Variants in UBR3 observed in about 807,000 individuals in gnomAD.
UBR3 encodes the protein E3 ubiquitin-protein ligase UBR3.
In UBR3, 85 loss-of-function variants were observed where a neutral mutation model predicts 243.2. The ratio of observed to expected loss-of-function variants is 0.35; its 90% confidence interval spans 0.29 to 0.42. The LOEUF is 0.42. Among genes scored for constraint, UBR3 ranks in the 10% least tolerant of loss-of-function variants. UBR3 has a pLI of 1.00. For missense variants in UBR3, 1,686 were observed against 2,300.8 expected (o/e 0.73, Z 5.47); for synonymous variants, 748 against 799.8 (o/e 0.94, Z 1.09).
chr2:169,973,251 C>T (rs999166677), intron 24 of UBR3, among the ~76,000 whole-genome samples: 4 of 131,790 alleles, frequency 3.0e-5, no homozygotes, highest in Non-Finnish European at 6.4e-5. Context: ...AACCACTGCT[C>T]AAGGAAATAA....
At chr2:169,893,427 C>T (rs1416549725) in intron 6 of UBR3, among the ~76,000 whole-genome samples, 1 of 152,166 alleles carries the variant, frequency 6.6e-6, no homozygotes, top group African/African-American at 2.4e-5. Context: ...TAGTTTTATT[C>T]AGCTTTGTAA....
chr2:169,836,063 A>T (rs1296479708), intron 1 of UBR3, among the ~76,000 whole-genome samples: 3,783 of 26,572 alleles, frequency 0.14, 727 homozygotes, highest in Non-Finnish European at 0.21. Flanking sequence ...ATATATATAT[A>T]TATATTTTTT....
intron 9 of UBR3, 35 bp from the exon 10 acceptor site, chr2:169,905,996 T>G: frequency 1.9e-6 from 3 of 1,541,574 alleles, no homozygotes; most frequent in Non-Finnish European, 2.6e-6. Context: ...GTGCTTCCAC[T>G]TGACAAGGTT....
Position 169,965,774 on chromosome 2 carries a change from C to T in UBR3, c.3634+7248C>T, listed in dbSNP as rs117702656. 3.6e-4 allele frequency among the ~76,000 whole-genome samples: 55 copies of T among 152,120 alleles called. No homozygotes were observed. The East Asian group carries it at 7.1e-3, about 20-fold the overall frequency. On this transcript the variant is annotated intron_variant, in intron 24 of 38. Coordinates refer to ENST00000272793, the MANE Select transcript of UBR3 (RefSeq NM_172070.4). ...TTAAAATTTTTGAATTGTTTATTTCCGAAATTTTCCATTTAATATTTTCTG... is the reference window on the plus strand; with the variant it reads ...TTAAAATTTTTGAATTGTTTATTTCTGAAATTTTCCATTTAATATTTTCTG...
intron 11 of UBR3, among the ~76,000 whole-genome samples, chr2:169,916,958 C>G (rs1203014714): frequency 1.3e-5 from 2 of 152,118 alleles, no homozygotes; most frequent in Non-Finnish European, 2.9e-5. Context: ...GTTTCCTAAC[C>G]TTTAGATGCT....
rs1488752171 is a variant in UBR3 at position 170,053,549 on chromosome 2, G to A, written c.4661-1911G>A. Among the ~76,000 whole-genome samples the A allele has an allele frequency of 2.0e-5, 3 of 152,114 alleles. No homozygotes were observed. The East Asian group carries it at 5.8e-4, about 29-fold the overall frequency. On this transcript the variant is annotated intron_variant, in intron 32 of 38. Transcript: ENST00000272793. ...CAGTCATAAGTCATAACAGCTATGA[G>A]TATGACTCTGTACTCAGTCTTTTAA...
At position 169,947,588 on chromosome 2, in the gene UBR3, G is replaced by T; in HGVS notation, c.2957G>T (p.Gly986Val). ...CGTTGTCATGACAGTTGGTTTCCTG[G>T]CAGTAACTTAGTGTCAAACATGCGA... ...PERCHDSWFP[G>V]SNLVSNMRHF... The change falls in exon 22 of 39, where the codon GGC becomes GTC. Residue 986 changes from glycine to valine, a missense_variant. By Grantham distance (109) the Gly-to-Val change is moderately radical. Around this residue, in one of 8 missense-constraint regions of UBR3, gnomAD observed 300 missense variants for 314.4 expected, o/e 0.95. Coordinates refer to ENST00000272793, the MANE Select transcript of UBR3 (RefSeq NM_172070.4). The T allele has an allele frequency of 6.5e-7, 1 of 1,526,800 alleles. No individual in the cohort carries two copies. Among genetic ancestry groups the T allele is most frequent in the South Asian group, 1.3e-5 (1 of 79,020 alleles). 94.6% of individuals were successfully genotyped at this position (1,526,800 alleles called of 1,614,324 possible).
chr2:169,904,927 A>G (rs2084961738), intron 8 of UBR3, among the ~76,000 whole-genome samples, 187 bp from the exon 9 acceptor site: 1 of 152,158 alleles, frequency 6.6e-6, no homozygotes, highest in African/African-American at 2.4e-5. Flanking sequence ...TTTATTTTCT[A>G]CTTTATAAAT....
intron 31 of UBR3, among the ~76,000 whole-genome samples, chr2:170,030,020 A>G (rs570745780): frequency 6.6e-6 from 1 of 152,210 alleles, no homozygotes; most frequent in East Asian, 1.9e-4. Flanking sequence ...TAAGGAATGG[A>G]TGCCCTATTA....
intron 1 of UBR3, among the ~76,000 whole-genome samples, chr2:169,871,759 A>G (rs1387546356): frequency 6.6e-6 from 1 of 151,810 alleles, no homozygotes; most frequent in East Asian, 1.9e-4. Context: ...AAAAAAAAGA[A>G]TATAAACAAG....
At chr2:169,861,362 C>T (rs560338856) in intron 1 of UBR3, among the ~76,000 whole-genome samples, 181 of 152,320 alleles carry the variant, frequency 1.2e-3, no homozygotes, top group African/African-American at 4.1e-3. Context: ...GTAATCCCAG[C>T]ACTCTGGGAG....
intron 24 of UBR3, chr2:169,964,825 G>T (rs1240002475): frequency 2.2e-6 from 1 of 456,068 alleles, no homozygotes; most frequent in East Asian, 7.0e-5. Flanking sequence ...ACCTCTTTTG[G>T]CAGTAGCCAG....
Position 169,917,215 on chromosome 2 carries a change from T to C in UBR3, c.1866+3069T>C, listed in dbSNP as rs1216103564. Among the ~76,000 whole-genome samples the C allele has an allele frequency of 2.6e-5, 4 of 152,332 alleles. No homozygotes were observed. In the East Asian group the frequency reaches 7.7e-4, roughly 29 times the overall value. On this transcript the variant is annotated intron_variant, in intron 11 of 38. Coordinates refer to ENST00000272793, the MANE Select transcript of UBR3 (RefSeq NM_172070.4). The stretch of plus-strand genomic sequence containing the variant: ...TTTGCCTTGTCTAATTGTTGGTCTT[T>C]AGGCTTAAATTTTGTTTATGCAAAT...
chr2:169,905,757 C>T (rs2084988046), intron 9 of UBR3, among the ~76,000 whole-genome samples: 1 of 152,162 alleles, frequency 6.6e-6, no homozygotes, highest in Admixed American at 6.5e-5. Context: ...TTTCAACTAA[C>T]ATCAATTAAA....
At chr2:169,974,450 C>T (rs1348025787) in intron 24 of UBR3, among the ~76,000 whole-genome samples, 2 of 152,116 alleles carry the variant, frequency 1.3e-5, no homozygotes, top group Non-Finnish European at 2.9e-5. Flanking sequence ...AATTGGTTGG[C>T]ATATAGTTGT....
chr2:169,897,932 G>A (rs1177350638), intron 8 of UBR3, among the ~76,000 whole-genome samples: 1 of 152,138 alleles, frequency 6.6e-6, no homozygotes, highest in Non-Finnish European at 1.5e-5. Flanking sequence ...TTAAAGATGA[G>A]TACATTGAGG....
At chr2:169,932,430 G>A (rs2086170239) in intron 18 of UBR3, among the ~76,000 whole-genome samples, 1 of 151,756 alleles carries the variant, frequency 6.6e-6, no homozygotes, top group Non-Finnish European at 1.5e-5. Flanking sequence ...TACTTTTTTT[G>A]TTTAATACTT....
chr2:169,939,532 G>C (rs1271781835), intron 19 of UBR3, among the ~76,000 whole-genome samples: 2 of 151,498 alleles, frequency 1.3e-5, no homozygotes, highest in Admixed American at 6.6e-5. Context: ...CTCCCAAAGT[G>C]CTGGGATTAC....
intron 24 of UBR3, chr2:169,964,403 C>T (rs959378311): frequency 2.1e-6 from 1 of 469,570 alleles, no homozygotes; most frequent in African/African-American, 2.0e-5. Context: ...TGAGACAAAA[C>T]AAAAACAATT....
Sources: allele counts gnomAD v4.1 joint callset (sites outside exome capture counted in the v4.1 genomes callset), GRCh38; gene constraint gnomAD v4.1.1; regional missense constraint gnomAD v4.1.1; transcripts MANE v1.5; gene names NCBI Gene and HGNC (gene_info 2026-07-23, HGNC 2026-07-21).